HUWE1: variants seen among roughly 807,000 people sequenced by gnomAD.
The protein encoded by HUWE1 is E3 ubiquitin-protein ligase HUWE1.
HUWE1 carries 18 observed loss-of-function variants against 299.4 expected under a neutral mutation model. The ratio of observed to expected loss-of-function variants is 0.06; its 90% CI spans 0.04 to 0.09. HUWE1 has a LOEUF of 0.09. HUWE1 is among the 10% of genes least tolerant of loss of function. The pLI is 1.00. For missense variants in HUWE1, 1,832 were observed against 3,462.3 expected (o/e 0.53, Z 11.82); for synonymous variants, 1,317 against 1,286.1 (o/e 1.02, Z -0.51).
intron 49 of HUWE1, 44 bp downstream of exon 49, chrX:53,568,648 A>T: frequency 8.7e-7 from 1 of 1,152,601 alleles, no homozygotes; most frequent in Non-Finnish European, 1.2e-6. Context: ...TCGTGTAGTG[A>T]GGCTGAAGAG....
intron 49 of HUWE1, among the ~76,000 whole-genome samples, chrX:53,566,131 G>A (rs868984905): frequency 1.0e-3 from 57 of 55,447 alleles, no homozygotes; most frequent in Middle Eastern, 0.01. Context: ...GTGTGTGTGT[G>A]TGTATATATA....
chrX:53,568,860 A>G lies in HUWE1; in HGVS notation c.6539T>C (p.Met2180Thr), dbSNP rs1556948072. 1 of 1,201,714 alleles carries G rather than the reference A, an allele frequency of 8.3e-7. No individual in the cohort carries two copies. Among genetic ancestry groups the G allele is most frequent in the Non-Finnish European group, 1.1e-6 (1 of 889,588 alleles). ...CTCCATGATAGTACTGATGATACAC[A>G]TCACTGCCTGAAGCCTGGGAGAGAA... Reference protein sequence around the residue: ...TEKHARLQAVMCIISTIMESC... With the variant: ...TEKHARLQAVTCIISTIMESC... Residue 2180 changes from methionine to threonine, a missense_variant, in exon 49 of 84, where the codon ATG becomes ACG. Physicochemically the swap from Met to Thr is moderately conservative, Grantham distance 81. This residue lies in a region of HUWE1 where 157 missense variants were observed against 252.3 expected (regional missense o/e 0.62). Coordinates refer to ENST00000262854, the MANE Select transcript of HUWE1 (RefSeq NM_031407.7).
chrX:53,679,186 A>G (rs1472816578), intron 3 of HUWE1, among the ~76,000 whole-genome samples: 1 of 111,566 alleles, frequency 9.0e-6, no homozygotes, highest in Non-Finnish European at 1.9e-5. Flanking sequence ...AAAAAAAACA[A>G]AAGACAGAAC....
rs781914947 is a variant in HUWE1 at position 53,551,398 on chromosome X, C to T, written c.8964G>A (p.Gln2988=). The change falls in exon 64 of 84, where the codon CAG becomes CAA. Residue 2988 remains glutamine (Q), a synonymous_variant. Transcript: ENST00000262854. ...DDIRREVLQN[Q]LGIRPPTRTA... ...TCCGGGTTGGTGGACGAATGCCTAG[C>T]TGGTTCTGTAGAACTTCCCGACGGA... The T allele has an allele frequency of 2.9e-5, 35 of 1,207,924 alleles. No homozygotes were observed. The Admixed American group carries it at 7.5e-4, about 26-fold the overall frequency.
At chrX:53,619,766 A>G (rs2066026006) in intron 19 of HUWE1, among the ~76,000 whole-genome samples, 1 of 111,496 alleles carries the variant, frequency 9.0e-6, no homozygotes, top group Non-Finnish European at 1.9e-5. Context: ...GATGTACTTC[A>G]ATAGAACTGA....
intron 29 of HUWE1, among the ~76,000 whole-genome samples, chrX:53,596,981 C>A (rs1242745848): frequency 3.6e-5 from 4 of 112,248 alleles, no homozygotes; most frequent in Non-Finnish European, 7.5e-5. Context: ...TTTGTGAAAT[C>A]TTTTTATTTC....
In HUWE1 at chrX:53,559,376, C is replaced by G; in HGVS notation, c.7893G>C (p.Gln2631His). ...DELLDDFFHD[Q>H]STATSQAGTL... is the part of the protein sequence containing the mutation. ...TGCCTGCTTGGCTGGTAGCTGTGCT[C>G]TGATCATGGAAAAAGTCATCCAGCA... Residue 2631 changes from glutamine to histidine, a missense_variant, in exon 57 of 84, where the codon CAG (glutamine) becomes CAC (histidine). Around this residue, in one of 15 missense-constraint regions of HUWE1, gnomAD observed 170 missense variants for 335.8 expected, o/e 0.51. Transcript: ENST00000262854. 8.3e-7 allele frequency: 1 copy of G among 1,211,482 alleles called. No individual in the cohort carries two copies. Among genetic ancestry groups the G allele is most frequent in the Non-Finnish European group, 1.1e-6 (1 of 895,259 alleles).
chrX:53,572,304 C>T (rs1204911377), intron 47 of HUWE1, among the ~76,000 whole-genome samples: 1 of 111,629 alleles, frequency 9.0e-6, no homozygotes, highest in Non-Finnish European at 1.9e-5. Flanking sequence ...GGAGGAGATG[C>T]ACTAAAGAAC....
At chrX:53,561,469 G>A (rs1315542177) in intron 55 of HUWE1, among the ~76,000 whole-genome samples, 2 of 112,620 alleles carry the variant, frequency 1.8e-5, no homozygotes. Flanking sequence ...GATGCAGTCA[G>A]CCTTGGTCTC....
intron 29 of HUWE1, among the ~76,000 whole-genome samples, chrX:53,599,184 CAAAG>C (rs2064677756): frequency 8.9e-6 from 1 of 112,385 alleles, no homozygotes; most frequent in Non-Finnish European, 1.9e-5. Flanking sequence ...GCTCCAAGAT[CAAAG>C]AAATATGACA....
chrX:53,576,859 T>G, intron 44 of HUWE1, 41 bp downstream of exon 44: 1 of 1,200,222 alleles, frequency 8.3e-7, no homozygotes, highest in Non-Finnish European at 1.1e-6. Flanking sequence ...AAGTAACATA[T>G]CCTCTAGTGC....
At chrX:53,632,075 T>A (rs1557023190) in intron 9 of HUWE1, 2 of 344,568 alleles carry the variant, frequency 5.8e-6, no homozygotes, top group Non-Finnish European at 1.1e-5. Context: ...CCAAACTCTT[T>A]AGTACCTCCT....
intron 3 of HUWE1, among the ~76,000 whole-genome samples, chrX:53,669,904 G>A (rs1287098725): frequency 8.9e-6 from 1 of 112,088 alleles, no homozygotes; most frequent in African/African-American, 3.2e-5. Flanking sequence ...GCTAAAAGGT[G>A]TAAACTATTA....
At chrX:53,607,779 G>C (rs2065225308) in intron 24 of HUWE1, 80 bp from the exon 25 acceptor site, 1 of 625,715 alleles carries the variant, frequency 1.6e-6, no homozygotes, top group Non-Finnish European at 2.6e-6. Flanking sequence ...GGATGGGGTA[G>C]CCTTCTAGTC....
chrX:53,573,555 G>C (rs782195897), intron 47 of HUWE1, among the ~76,000 whole-genome samples, 195 bp downstream of exon 47: 59 of 112,546 alleles, frequency 5.2e-4, no homozygotes, highest in African/African-American at 1.9e-3. Flanking sequence ...TGATCCGCCT[G>C]CTTCAGCCTC....
intron 25 of HUWE1, among the ~76,000 whole-genome samples, chrX:53,605,769 TATTACA>T (rs1161196699): frequency 7.1e-5 from 8 of 112,026 alleles, no homozygotes; most frequent in African/African-American, 2.6e-4. Flanking sequence ...TTTTGATTTC[TATTACA>T]AAGTTACAGT....
At chrX:53,614,191 G>A (rs2065664182) in intron 23 of HUWE1, among the ~76,000 whole-genome samples, 1 of 111,118 alleles carries the variant, frequency 9.0e-6, no homozygotes, top group Admixed American at 9.5e-5. Context: ...CTTGAGCCCA[G>A]GAGGTGGAGG....
chrX:53,553,605 T>C (rs1313711288), intron 61 of HUWE1, among the ~76,000 whole-genome samples: 10 of 104,367 alleles, frequency 9.6e-5, no homozygotes, highest in South Asian at 4.4e-4. Context: ...AGGTCAGGAG[T>C]TCCAGATAAG....
intron 4 of HUWE1, among the ~76,000 whole-genome samples, chrX:53,652,205 T>C (rs1180669317): frequency 8.9e-6 from 1 of 112,247 alleles, no homozygotes; most frequent in Non-Finnish European, 1.9e-5. Flanking sequence ...TATTTAACAT[T>C]TCCATTATGG....
Sources: allele counts gnomAD v4.1 joint callset (sites outside exome capture counted in the v4.1 genomes callset), GRCh38; gene constraint gnomAD v4.1.1; regional missense constraint gnomAD v4.1.1; transcripts MANE v1.5; gene names NCBI Gene and HGNC (gene_info 2026-07-23, HGNC 2026-07-21).